The following PCBP3 variants were observed in gnomAD, a reference collection of about 807,000 sequenced individuals.
PCBP3 encodes poly(rC)-binding protein 3.
A neutral mutation model predicts 52.7 loss-of-function variants in PCBP3; 25 were observed. The ratio of observed to expected loss-of-function variants is 0.47; its 90% CI spans 0.35 to 0.66. The LOEUF (loss-of-function observed/expected upper bound fraction) is 0.66, where lower values mean the gene tolerates loss of function less well. Among genes scored for constraint, PCBP3 ranks in the 30% least tolerant of loss-of-function variants. The pLI, the probability that PCBP3 is intolerant of heterozygous loss-of-function variation, is 0.01. For synonymous variants in PCBP3, 162 were observed against 183.0 expected (o/e 0.89, Z 0.93); for missense variants, 391 against 490.3 (o/e 0.80, Z 1.91).
At chr21:45,647,857 G>A (rs2079422330) in intron 1 of PCBP3, among the ~76,000 whole-genome samples, 1 of 152,122 alleles carries the variant, frequency 6.6e-6, no homozygotes, top group Non-Finnish European at 1.5e-5. Context: ...GGCAGCAGAT[G>A]GAATGAGGTT....
intron 2 of PCBP3, among the ~76,000 whole-genome samples, chr21:45,707,244 A>G (rs781746348): frequency 6.6e-6 from 1 of 152,182 alleles, no homozygotes; most frequent in Non-Finnish European, 1.5e-5. Flanking sequence ...GGCTGGGTGC[A>G]GTAGCTTATG....
intron 3 of PCBP3, chr21:45,749,761 G>T (rs2087246513): frequency 1.3e-5 from 2 of 152,196 alleles, no homozygotes; most frequent in Admixed American, 6.5e-5. Flanking sequence ...TGGGAATGGG[G>T]GTGTCCTCTC....
intron 1 of PCBP3, among the ~76,000 whole-genome samples, chr21:45,644,814 C>T (rs1421960660): frequency 6.6e-6 from 1 of 152,162 alleles, no homozygotes; most frequent in African/African-American, 2.4e-5. Flanking sequence ...TAGACTCCCC[C>T]CATTTCAAAA....
At chr21:45,721,612 C>T (rs1311340966) in intron 2 of PCBP3, among the ~76,000 whole-genome samples, 2 of 152,084 alleles carry the variant, frequency 1.3e-5, no homozygotes, top group East Asian at 1.9e-4. Flanking sequence ...ATATTAAAGA[C>T]ACCAGAATTT....
intron 4 of PCBP3, among the ~76,000 whole-genome samples, chr21:45,824,007 G>A (rs1376525258): frequency 6.6e-6 from 1 of 152,200 alleles, no homozygotes; most frequent in Non-Finnish European, 1.5e-5. Context: ...CTCCCAAAGT[G>A]CTGGGATTAC....
At chr21:45,820,861 G>A (rs575798944) in intron 4 of PCBP3, among the ~76,000 whole-genome samples, 4 of 152,154 alleles carry the variant, frequency 2.6e-5, no homozygotes, top group East Asian at 1.9e-4. Context: ...TTGGCCACAC[G>A]ATCTGGGCTG....
chr21:45,896,144 C>A, intron 5 of PCBP3, 64 bp from the exon 6 acceptor site: 1 of 1,476,986 alleles, frequency 6.8e-7, no homozygotes, highest in Non-Finnish European at 9.2e-7. Context: ...CGGCCCAGGA[C>A]ACCCCTGGAT....
At chr21:45,743,553 C>T (rs886557389) in intron 3 of PCBP3, among the ~76,000 whole-genome samples, 1 of 152,126 alleles carries the variant, frequency 6.6e-6, no homozygotes, top group Non-Finnish European at 1.5e-5. Flanking sequence ...TTGGAATAAA[C>T]CCCGTTAGGC....
Position 45,893,788 on chromosome 21 carries a change from G to A in PCBP3, c.11-2420G>A, listed in dbSNP as rs915176015. 111 of 985,350 alleles carry A rather than the reference G, an allele frequency of 1.1e-4. No homozygotes were observed. In the African/African-American group the frequency reaches 1.5e-3, roughly 14 times the overall value. The allele number at this position is 985,350 out of a possible 1,614,324, so 61.0% of individuals were successfully genotyped here. On this transcript the variant is annotated intron_variant, in intron 5 of 17. Coordinates refer to ENST00000681687, the MANE Select transcript of PCBP3 (RefSeq NM_001384156.1). ...TCTGGAACACAGTGTGGGGAGGGGC[G>A]GGCAAGCCTCAGAACGGGCTCCATT...
intron 4 of PCBP3, among the ~76,000 whole-genome samples, chr21:45,809,638 C>T (rs886965172): frequency 6.6e-6 from 1 of 152,212 alleles, no homozygotes; most frequent in Non-Finnish European, 1.5e-5. Flanking sequence ...TCCCCCCTGC[C>T]GCTGCCACTA....
At chr21:45,833,082 C>G (rs912177115) in intron 4 of PCBP3, among the ~76,000 whole-genome samples, 2 of 152,130 alleles carry the variant, frequency 1.3e-5, no homozygotes, top group African/African-American at 4.8e-5. Context: ...ATATCAGCAG[C>G]CAGCGAGGCT....
intron 4 of PCBP3, among the ~76,000 whole-genome samples, chr21:45,813,558 C>T (rs2092742522): frequency 6.6e-6 from 1 of 152,190 alleles, no homozygotes; most frequent in Non-Finnish European, 1.5e-5. Flanking sequence ...TCTCCTGCCT[C>T]AGCCTCCTGA....
rs574063768 is a variant in PCBP3 at position 45,878,591 on chromosome 21, G to T, written c.11-17617G>T. ...CAGCCGGGCACTGGGTGGCACACACGTGGCACAGAGCTAAACAGCGGTGCA... is the reference window on the plus strand; with the variant it reads ...CAGCCGGGCACTGGGTGGCACACACTTGGCACAGAGCTAAACAGCGGTGCA... On this transcript the variant is annotated intron_variant, in intron 5 of 17. Transcript: ENST00000681687. Among the ~76,000 whole-genome samples, 8 of 152,348 alleles carry T rather than the reference G, an allele frequency of 5.3e-5. No homozygotes were observed. The East Asian group carries it at 1.5e-3, about 29-fold the overall frequency.
At chr21:45,825,288 G>A (rs549867249) in intron 4 of PCBP3, among the ~76,000 whole-genome samples, 1 of 152,354 alleles carries the variant, frequency 6.6e-6, no homozygotes, top group African/African-American at 2.4e-5. Context: ...CTGGGAGTAA[G>A]TGGCTGCCTC....
At position 45,917,453 on chromosome 21, in the gene PCBP3, G is replaced by A; in HGVS notation, c.676-135G>A. 2 of 692,250 alleles carry A rather than the reference G, an allele frequency of 2.9e-6. No homozygotes were observed. Among genetic ancestry groups the A allele is most frequent in the South Asian group, 1.7e-5 (1 of 59,168 alleles). The allele number at this position is 692,250 out of a possible 1,614,324, so 42.9% of individuals were successfully genotyped here. A position where few individuals can be genotyped will look rare whatever the true frequency, so the allele number is the denominator to read the frequency against. On this transcript the variant is annotated intron_variant, in intron 12 of 17. Transcript: ENST00000681687. This position sits in a 1 kb window ranked among gnomAD's most constrained non-coding sequence, Gnocchi z 5.3. ...CTGGGAGGGTTGGCCCTTTGTCCTA[G>A]GATGGGGACAGGTGGAGAGGCACAC...
chr21:45,767,445 A>G (rs1224813770), intron 4 of PCBP3, among the ~76,000 whole-genome samples: 2 of 152,176 alleles, frequency 1.3e-5, no homozygotes, highest in East Asian at 1.9e-4. Context: ...TTGATTAGTG[A>G]CATTGGTTTT....
intron 4 of PCBP3, among the ~76,000 whole-genome samples, chr21:45,819,486 AG>A (rs2093063161): frequency 6.6e-6 from 1 of 152,242 alleles, no homozygotes; most frequent in Non-Finnish European, 1.5e-5. Flanking sequence ...GCAGGTGCAG[AG>A]ACCACACCTG....
chr21:45,745,472 C>A (rs1320366347), intron 3 of PCBP3, among the ~76,000 whole-genome samples: 1 of 152,206 alleles, frequency 6.6e-6, no homozygotes, highest in African/African-American at 2.4e-5. Context: ...TGGTTTCTGT[C>A]TCTTGCTATG....
chr21:45,784,427 T>TCTACCGCTACCGCTACC (rs1569218201), intron 4 of PCBP3, among the ~76,000 whole-genome samples: 15 of 95,128 alleles, frequency 1.6e-4, no homozygotes, highest in South Asian at 2.8e-4. Flanking sequence ...TACCCCTACC[T>TCTACCGCTACCGCTACC]CCTACCTCCT....
Sources: allele counts gnomAD v4.1 joint callset (sites outside exome capture counted in the v4.1 genomes callset), GRCh38; gene constraint gnomAD v4.1.1; non-coding constraint Gnocchi (gnomAD v3.1); transcripts MANE v1.5; gene names NCBI Gene and HGNC (gene_info 2026-07-23, HGNC 2026-07-21).